The following COL25A1 variants were observed in gnomAD, a reference collection of about 807,000 sequenced individuals.
COL25A1 encodes collagen type XXV alpha 1 chain.
In COL25A1, 103 loss-of-function variants were observed where a neutral mutation model predicts 128.4. That is an observed-to-expected ratio of 0.80 (90% CI 0.68 to 0.94). The LOEUF is 0.94. Among genes scored for constraint, COL25A1 ranks in the 40% least tolerant of loss-of-function variants. The pLI is 0.00. For synonymous variants in COL25A1, 279 were observed against 277.2 expected (o/e 1.01, Z -0.06); for missense variants, 745 against 840.0 (o/e 0.89, Z 1.40).
chr4:108,824,128 G>A (rs1732093585), intron 35 of COL25A1, 46 bp downstream of exon 35: 2 of 1,613,858 alleles, frequency 1.2e-6, no homozygotes, highest in African/African-American at 1.3e-5. Flanking sequence ...AAAGCAGACA[G>A]CAGGAGAAGA....
At chr4:108,999,018 G>T (rs1421653270) in intron 6 of COL25A1, among the ~76,000 whole-genome samples, 1 of 152,122 alleles carries the variant, frequency 6.6e-6, no homozygotes, top group Non-Finnish European at 1.5e-5. Context: ...AATGCTAGAA[G>T]AAAACCTAAG....
At chr4:108,899,239 C>A in intron 14 of COL25A1, 59 bp from the exon 15 acceptor site, 1 of 1,451,778 alleles carries the variant, frequency 6.9e-7, no homozygotes. Context: ...ATTTTATTAT[C>A]ATTATTAAAC....
chr4:109,282,304 C>T (rs1723451134), intron 3 of COL25A1, among the ~76,000 whole-genome samples: 1 of 152,124 alleles, frequency 6.6e-6, no homozygotes, highest in African/African-American at 2.4e-5. Flanking sequence ...CCTGCAAAAC[C>T]TTCAGGACAA....
intron 3 of COL25A1, among the ~76,000 whole-genome samples, chr4:109,187,992 A>G (rs1019306015): frequency 6.6e-6 from 1 of 152,236 alleles, no homozygotes; most frequent in Non-Finnish European, 1.5e-5. Flanking sequence ...AAAGGAGATA[A>G]GTCACAATAA....
At chr4:108,851,260 C>T (rs1735749237) in intron 26 of COL25A1, among the ~76,000 whole-genome samples, 2 of 151,914 alleles carry the variant, frequency 1.3e-5, no homozygotes, top group South Asian at 4.1e-4. Flanking sequence ...AATCCCACAC[C>T]TTATATTAAT....
chr4:108,841,786 T>G, intron 30 of COL25A1, 65 bp from the exon 31 acceptor site: 1 of 1,224,784 alleles, frequency 8.2e-7, no homozygotes, highest in Non-Finnish European at 1.2e-6. Flanking sequence ...AGAGTGAATA[T>G]TATATCACAT....
intron 3 of COL25A1, among the ~76,000 whole-genome samples, chr4:109,208,483 T>TAAA (rs199675745): frequency 7.2e-6 from 1 of 138,294 alleles, no homozygotes; most frequent in Non-Finnish European, 1.6e-5. Flanking sequence ...TATCAGTTAA[T>TAAA]AAAAAAAAAA....
intron 16 of COL25A1, among the ~76,000 whole-genome samples, chr4:108,891,712 T>G (rs1665176162): frequency 7.4e-6 from 1 of 135,280 alleles, no homozygotes; most frequent in Admixed American, 7.1e-5. Context: ...GTGTTTTAGG[T>G]TTTTTTTTTT....
intron 3 of COL25A1, among the ~76,000 whole-genome samples, chr4:109,238,106 A>G (rs1206645570): frequency 6.6e-6 from 1 of 152,056 alleles, no homozygotes; most frequent in Non-Finnish European, 1.5e-5. Context: ...TATTGCTAAT[A>G]TGTTGCTGTG....
At chr4:108,954,122 T>C (rs1251913031) in intron 8 of COL25A1, among the ~76,000 whole-genome samples, 1 of 152,292 alleles carries the variant, frequency 6.6e-6, no homozygotes, top group East Asian at 1.9e-4. Flanking sequence ...ATTAATTCAT[T>C]TGGGAGGAGT....
At chr4:109,296,967 T>C (rs535200903) in intron 3 of COL25A1, among the ~76,000 whole-genome samples, 19 of 152,230 alleles carry the variant, frequency 1.2e-4, no homozygotes, top group African/African-American at 4.6e-4. Context: ...TCTACAGCCA[T>C]AGCAAAGAGC....
intron 3 of COL25A1, among the ~76,000 whole-genome samples, chr4:109,171,114 T>C (rs1773543735): frequency 6.6e-6 from 1 of 151,952 alleles, no homozygotes; most frequent in Admixed American, 6.6e-5. Context: ...AGCCCTTCTA[T>C]CCAGTGAAAG....
chr4:108,947,916 A>G (rs749051889), intron 8 of COL25A1, among the ~76,000 whole-genome samples: 24 of 152,198 alleles, frequency 1.6e-4, no homozygotes, highest in Non-Finnish European at 3.2e-4. Context: ...ATTGAAAGAA[A>G]AAATATGCAT....
intron 3 of COL25A1, among the ~76,000 whole-genome samples, chr4:109,294,466 G>GT (rs1297579508): frequency 1.3e-5 from 2 of 152,046 alleles, no homozygotes; most frequent in Non-Finnish European, 2.9e-5. Context: ...AAATGAAGCA[G>GT]TAACTATCCA....
At position 108,898,179 on chromosome 4, in the gene COL25A1, C is replaced by T. The variant is rs1035560978; in HGVS notation, c.861+975G>A. On this transcript the variant is annotated intron_variant, in intron 15 of 37. Transcript: ENST00000399132. ...AACCTTCTTAGTAGGGAAACTGGCT[C>T]AGAGTAATTGCAAAGTGAAGGGTTT... is the stretch of plus-strand genomic sequence containing the variant. Among the ~76,000 whole-genome samples, 4 of 152,150 alleles carry T rather than the reference C, an allele frequency of 2.6e-5. No individual in the cohort carries two copies. The East Asian group carries it at 7.7e-4, about 29-fold the overall frequency.
intron 3 of COL25A1, among the ~76,000 whole-genome samples, chr4:109,134,031 A>G (rs2126073062): frequency 6.6e-6 from 1 of 152,292 alleles, no homozygotes; most frequent in East Asian, 1.9e-4. Flanking sequence ...TTAGTATTAA[A>G]TGATGAAAAA....
chr4:109,081,799 G>T (rs1344636350), intron 3 of COL25A1, among the ~76,000 whole-genome samples: 1 of 151,978 alleles, frequency 6.6e-6, no homozygotes, highest in Non-Finnish European at 1.5e-5. Context: ...CATCTCCCGG[G>T]CTCAAGCAGT....
At chr4:108,996,890 G>A (rs1182127210) in intron 6 of COL25A1, among the ~76,000 whole-genome samples, 4 of 152,122 alleles carry the variant, frequency 2.6e-5, no homozygotes, top group African/African-American at 7.2e-5. Flanking sequence ...GGTAAACAAC[G>A]AAATGAAGGC....
At chr4:109,064,924 C>G in intron 3 of COL25A1, among the ~76,000 whole-genome samples, 1 of 152,156 alleles carries the variant, frequency 6.6e-6, no homozygotes. Flanking sequence ...GTGAGGATCA[C>G]AGGAAGCACC....
Sources: allele counts gnomAD v4.1 joint callset (sites outside exome capture counted in the v4.1 genomes callset), GRCh38; gene constraint gnomAD v4.1.1; transcripts MANE v1.5; gene names NCBI Gene and HGNC (gene_info 2026-07-23, HGNC 2026-07-21).